BMPR2: variants seen among roughly 807,000 people sequenced by gnomAD.
BMPR2 encodes the protein bone morphogenetic protein receptor type 2.
A neutral mutation model predicts 100.8 loss-of-function variants in BMPR2; 29 were observed. That is an observed-to-expected ratio of 0.29 (90% CI 0.21 to 0.39). BMPR2 has a LOEUF of 0.39. Ranked by LOEUF, BMPR2 falls within the 10% of genes least tolerant of loss-of-function variation. The pLI is 1.00. For missense variants in BMPR2, 1,011 were observed against 1,274.5 expected (o/e 0.79, Z 3.15); for synonymous variants, 382 against 442.3 (o/e 0.86, Z 1.71).
At chr2:202,494,385 T>C (rs927324042) in intron 3 of BMPR2, among the ~76,000 whole-genome samples, 15 of 152,224 alleles carry the variant, frequency 9.9e-5, no homozygotes, top group African/African-American at 3.6e-4. Flanking sequence ...GTTACAATGT[T>C]GTTCTTTCTT....
chr2:202,411,492 C>G (rs1207339873), intron 1 of BMPR2, among the ~76,000 whole-genome samples: 1 of 152,174 alleles, frequency 6.6e-6, no homozygotes, highest in Non-Finnish European at 1.5e-5. Flanking sequence ...CTTGCTAGCA[C>G]AAATAAACTG....
intron 5 of BMPR2, among the ~76,000 whole-genome samples, chr2:202,515,658 G>C (rs1426083221): frequency 1.3e-5 from 2 of 151,728 alleles, no homozygotes; most frequent in South Asian, 2.1e-4. Context: ...GGGAGGCTGA[G>C]GCAGGGGGAT....
intron 9 of BMPR2, among the ~76,000 whole-genome samples, chr2:202,533,037 A>C (rs962077390): frequency 1.3e-5 from 2 of 152,186 alleles, no homozygotes; most frequent in African/African-American, 4.8e-5. Context: ...CTTATGCACC[A>C]TCTGAGTGTT....
intron 1 of BMPR2, among the ~76,000 whole-genome samples, chr2:202,386,281 G>T (rs950684813): frequency 1.2e-4 from 18 of 152,034 alleles, no homozygotes; most frequent in African/African-American, 2.7e-4. Context: ...TGTATCTGTC[G>T]TATCTACTTG....
chr2:202,381,264 C>T lies in BMPR2; in HGVS notation c.76+3714C>T, dbSNP rs949722874. Among the ~76,000 whole-genome samples the T allele has an allele frequency of 6.6e-5, 10 of 152,286 alleles. No homozygotes were observed. In the East Asian group the frequency reaches 7.7e-4, roughly 12 times the overall value. On this transcript the variant is annotated intron_variant, in intron 1 of 12. Coordinates refer to ENST00000374580, the MANE Select transcript of BMPR2 (RefSeq NM_001204.7). ...CTGGGATTATAGGCATGAGCCACCACGCCTGGGCTGGATTTCTTAAATATG... is the reference window on the plus strand; with the variant it reads ...CTGGGATTATAGGCATGAGCCACCATGCCTGGGCTGGATTTCTTAAATATG...
At position 202,555,233 on chromosome 2, in the gene BMPR2, CT is replaced by C. The variant is rs761435247; in HGVS notation, c.1587-12del. The stretch of plus-strand genomic sequence containing the variant: ...ATAAATGTACGTTCTCAATGTGATA[CT>C]TTTTTTCTTTCTTTAAGCAACCTGT... On this transcript the variant is annotated intron_variant, in intron 11 of 12. Transcript: ENST00000374580. The C allele has an allele frequency of 3.1e-6, 5 of 1,604,366 alleles. No homozygotes were observed. The highest frequency in any genetic ancestry group is 2.2e-5 in the East Asian group (1 of 44,834).
intron 3 of BMPR2, among the ~76,000 whole-genome samples, chr2:202,485,468 C>CA (rs989904563): frequency 6.6e-6 from 1 of 150,600 alleles, no homozygotes; most frequent in African/African-American, 2.4e-5. Context: ...CGGTTTGTAG[C>CA]TGCGTAATTC....
chr2:202,535,734 G>T (rs1408089192), intron 9 of BMPR2, among the ~76,000 whole-genome samples: 1 of 152,148 alleles, frequency 6.6e-6, no homozygotes, highest in African/African-American at 2.4e-5. Context: ...CAAGGCAGGC[G>T]GCTGGGAGGT....
rs547849485 is a variant in BMPR2, at chr2:202,395,210, C to T, written c.76+17660C>T. On this transcript the variant is annotated intron_variant, in intron 1 of 12. Transcript: ENST00000374580. ...CTTTACTCTTAACCATGTTTCCTCT[C>T]ATGACTTCTTCATGTTGTAAGATAC... Among the ~76,000 whole-genome samples, 7 of 152,270 alleles carry T rather than the reference C, an allele frequency of 4.6e-5. No homozygotes were observed. In the South Asian group the frequency reaches 1.5e-3, roughly 32 times the overall value.
chr2:202,434,430 G>A (rs1691565552), intron 1 of BMPR2, among the ~76,000 whole-genome samples: 1 of 150,256 alleles, frequency 6.7e-6, no homozygotes, highest in Non-Finnish European at 1.5e-5. Context: ...CTTATTATGA[G>A]AATGTTTTGA....
chr2:202,534,153 TTATA>T (rs1421897425), intron 9 of BMPR2, among the ~76,000 whole-genome samples: 2 of 150,638 alleles, frequency 1.3e-5, no homozygotes, highest in Admixed American at 6.6e-5. Flanking sequence ...ACACATTAGT[TTATA>T]TATATCAAGT....
intron 3 of BMPR2, among the ~76,000 whole-genome samples, chr2:202,491,913 T>C (rs1692909267): frequency 6.6e-6 from 1 of 152,206 alleles, no homozygotes; most frequent in Non-Finnish European, 1.5e-5. Flanking sequence ...GTTCTTTTTA[T>C]TGTCATTATA....
rs1688750955 is a variant in BMPR2 at position 202,565,841 on chromosome 2, A to T, written c.*5895A>T. On this transcript the variant is annotated 3_prime_UTR_variant, in exon 13 of 13. Transcript: ENST00000374580. ...GGTGACTGATTTAAGTTGAGTGTGC[A>T]TATAGAGAAAAACCTAGAAATTTAT... 6.6e-6 allele frequency: 1 copy of T among 152,200 alleles called. No individual in the cohort carries two copies. Among genetic ancestry groups the T allele is most frequent in the African/African-American group, 2.4e-5 (1 of 41,466 alleles). The allele number at this position is 152,200 out of a possible 1,614,324, so 9.4% of individuals were successfully genotyped here.
chr2:202,467,419 C>T (rs577545730), intron 2 of BMPR2, 100 bp from the exon 3 acceptor site: 342 of 1,023,590 alleles, frequency 3.3e-4, no homozygotes, highest in Non-Finnish European at 4.7e-4. Context: ...ATAGCTTACA[C>T]GTACTCTCAC....
At position 202,478,952 on chromosome 2, in the gene BMPR2, G is replaced by GA. The variant is rs375554354; in HGVS notation, c.418+11270dup. 2.6e-3 allele frequency among the ~76,000 whole-genome samples: 397 copies of GA among 151,972 alleles called. 1 individual carries two copies. The highest frequency in any genetic ancestry group is 9.2e-3 in the African/African-American group (382 of 41,496). ...AACCATAAATAAAAATAAAAAAGAA[G>GA]AAAAAAATCAAAAGTGTATATATTG... On this transcript the variant is annotated intron_variant, in intron 3 of 12. Transcript: ENST00000374580.
chr2:202,534,612 G>C (rs1432160251), intron 9 of BMPR2, among the ~76,000 whole-genome samples: 1 of 152,212 alleles, frequency 6.6e-6, no homozygotes, highest in East Asian at 1.9e-4. Flanking sequence ...CAAGGCAGAA[G>C]AAGTTTTCTT....
chr2:202,438,673 A>G (rs1252305996), intron 1 of BMPR2, among the ~76,000 whole-genome samples: 17 of 150,736 alleles, frequency 1.1e-4, no homozygotes, highest in Non-Finnish European at 1.5e-5. Flanking sequence ...TTATTCTTTT[A>G]TACATGGATA....
rs558981484 is a variant in BMPR2 at position 202,532,242 on chromosome 2, C to T, written c.1129-343C>T. On this transcript the variant is annotated intron_variant, in intron 8 of 12. Transcript: ENST00000374580. This position sits in a 1 kb window ranked among gnomAD's most constrained non-coding sequence, Gnocchi z 4.1. ...AGGCATGAGCCACTGCACCCGGCCACCCAGCTGTATTTTTGTGAATTTTAA... is the reference window on the plus strand; with the variant it reads ...AGGCATGAGCCACTGCACCCGGCCATCCAGCTGTATTTTTGTGAATTTTAA... Among the ~76,000 whole-genome samples, 1 of 152,034 alleles carries T rather than the reference C, an allele frequency of 6.6e-6. No homozygotes were observed. Among genetic ancestry groups the T allele is most frequent in the South Asian group, 2.1e-4 (1 of 4,822 alleles).
chr2:202,456,513 CTTTCTTTT>C (rs1383298351), intron 1 of BMPR2, among the ~76,000 whole-genome samples: 1 of 132,968 alleles, frequency 7.5e-6, no homozygotes, highest in African/African-American at 2.7e-5. Flanking sequence ...TTCTTTCTTT[CTTTCTTTT>C]TTTTTTTTTT....
Sources: allele counts gnomAD v4.1 joint callset (sites outside exome capture counted in the v4.1 genomes callset), GRCh38; gene constraint gnomAD v4.1.1; non-coding constraint Gnocchi (gnomAD v3.1); transcripts MANE v1.5; gene names NCBI Gene and HGNC (gene_info 2026-07-23, HGNC 2026-07-21).